The following OMA1 variants were observed in gnomAD, a reference collection of about 807,000 sequenced individuals.
OMA1 encodes the protein OMA1 zinc metallopeptidase, also known as metalloendopeptidase OMA1, mitochondrial.
In OMA1, 38 loss-of-function variants were observed where a neutral mutation model predicts 30.9. That is an observed-to-expected ratio of 1.23 (90% CI 0.95 to 1.61). The LOEUF is 1.61. OMA1 is among the 40% of genes most tolerant of loss of function. The pLI, the probability that OMA1 is intolerant of heterozygous loss-of-function variation, is 0.00. For missense variants in OMA1, 461 were observed against 349.2 expected, an observed-to-expected ratio of 1.32 and a Z score of -2.55; for synonymous variants, 173 against 121.9, an observed-to-expected ratio of 1.42 and a Z score of -2.76.
intron 1 of OMA1, among the ~76,000 whole-genome samples, chr1:58,545,372 C>T: frequency 6.6e-6 from 1 of 152,166 alleles, no homozygotes; most frequent in Non-Finnish European, 1.5e-5. Flanking sequence ...TCACTGACAA[C>T]CAAGTGTCGT....
At chr1:58,500,099 C>A (rs1427771429) in intron 8 of OMA1, among the ~76,000 whole-genome samples, 1 of 152,124 alleles carries the variant, frequency 6.6e-6, no homozygotes, top group Non-Finnish European at 1.5e-5. Context: ...TCTAAAATAT[C>A]ATTACTTTCC....
chr1:58,506,974 C>T (rs6671358), intron 7 of OMA1, among the ~76,000 whole-genome samples: 5,663 of 151,994 alleles, frequency 0.037, 150 homozygotes, highest in Non-Finnish European at 0.051. Context: ...CATACTCATA[C>T]GTATATACTT....
At chr1:58,499,596 C>A (rs1180099968) in intron 8 of OMA1, among the ~76,000 whole-genome samples, 1 of 152,000 alleles carries the variant, frequency 6.6e-6, no homozygotes, top group Non-Finnish European at 1.5e-5. Flanking sequence ...ATTGTTACTA[C>A]AGTTAATAAA....
chr1:58,522,421 A>C (rs1438542434), intron 7 of OMA1, among the ~76,000 whole-genome samples: 1 of 152,184 alleles, frequency 6.6e-6, no homozygotes, highest in East Asian at 1.9e-4. Context: ...AAACTCTTTC[A>C]TTTGATAAAA....
At chr1:58,540,138 C>T (rs889043816) in intron 1 of OMA1, among the ~76,000 whole-genome samples, 2 of 152,074 alleles carry the variant, frequency 1.3e-5, no homozygotes, top group African/African-American at 4.8e-5. Flanking sequence ...CCTTATCATT[C>T]GTGGGTAGAG....
Position 58,482,453 on chromosome 1 carries a change from T to C in OMA1, c.1366-1279A>G, listed in dbSNP as rs185151418. 2.0e-5 allele frequency among the ~76,000 whole-genome samples: 3 copies of C among 152,318 alleles called. No homozygotes were observed. The East Asian group carries it at 5.8e-4, about 29-fold the overall frequency. On this transcript the variant is annotated intron_variant, in intron 8 of 8. Coordinates refer to ENST00000371226, the MANE Select transcript of OMA1 (RefSeq NM_145243.5). The stretch of plus-strand genomic sequence containing the variant: ...TGGGTATATGGATAATTTTAAGATA[T>C]AAGAGCCAAAATAATTTTTAAGGAT...
intron 7 of OMA1, among the ~76,000 whole-genome samples, chr1:58,512,654 A>G (rs1191888702): frequency 3.9e-5 from 6 of 152,238 alleles, no homozygotes; most frequent in African/African-American, 9.6e-5. Context: ...ACAAATGGAC[A>G]AATACGAGAC....
At chr1:58,495,000 CA>C (rs1004934325) in intron 8 of OMA1, among the ~76,000 whole-genome samples, 2 of 152,128 alleles carry the variant, frequency 1.3e-5, no homozygotes, top group Admixed American at 1.3e-4. Flanking sequence ...TTCACAATAG[CA>C]AAGACTTGGA....
rs534415758 is a variant in OMA1 at position 58,509,772 on chromosome 1, T to C, written c.1216-3563A>G. On this transcript the variant is annotated intron_variant, in intron 7 of 8. Transcript: ENST00000371226. ...CGTTAGAGTAAGAAAAAAAAAGACT[T>C]AAGTGAACAAAATCAGAAACAAAAG... 5.2e-4 allele frequency among the ~76,000 whole-genome samples: 79 copies of C among 151,720 alleles called. 2 individuals are homozygous for C. In the South Asian group the frequency reaches 0.016, roughly 32 times the overall value.
intron 1 of OMA1, among the ~76,000 whole-genome samples, chr1:58,544,645 A>C (rs1251046918): frequency 6.6e-6 from 1 of 152,108 alleles, no homozygotes; most frequent in African/African-American, 2.4e-5. Context: ...TCCAGGCTGG[A>C]GTGCAGTGGT....
chr1:58,533,410 G>A lies in OMA1; in HGVS notation c.1011+543C>T, dbSNP rs146154609. 2.3e-4 allele frequency among the ~76,000 whole-genome samples: 35 copies of A among 152,176 alleles called. No individual in the cohort carries two copies. In the East Asian group the frequency reaches 6.6e-3, roughly 29 times the overall value. ...AGTAATAATAAATACATACCTCATTGGGTATTAAAATTATGAATGGGAAGC... is the reference window on the plus strand; with the variant it reads ...AGTAATAATAAATACATACCTCATTAGGTATTAAAATTATGAATGGGAAGC... On this transcript the variant is annotated intron_variant, in intron 5 of 8. Coordinates refer to ENST00000371226, the MANE Select transcript of OMA1 (RefSeq NM_145243.5).
At chr1:58,494,471 G>C (rs1201116020) in intron 8 of OMA1, among the ~76,000 whole-genome samples, 3 of 152,298 alleles carry the variant, frequency 2.0e-5, no homozygotes, top group Non-Finnish European at 2.9e-5. Flanking sequence ...TACCATCAGA[G>C]TGAACAGGCA....
At chr1:58,526,138 G>A (rs1646346650) in intron 7 of OMA1, among the ~76,000 whole-genome samples, 1 of 152,044 alleles carries the variant, frequency 6.6e-6, no homozygotes. Context: ...TAACATATAG[G>A]GAAAATCTGA....
chr1:58,533,806 T>C (rs1569967221), intron 5 of OMA1, 147 bp downstream of exon 5: 1 of 614,946 alleles, frequency 1.6e-6, no homozygotes, highest in Non-Finnish European at 2.9e-6. Flanking sequence ...CAATCACGTT[T>C]TTTTCAGGTA....
At chr1:58,502,156 G>A (rs1255796260) in intron 8 of OMA1, among the ~76,000 whole-genome samples, 4 of 152,104 alleles carry the variant, frequency 2.6e-5, no homozygotes, top group Admixed American at 1.3e-4. Context: ...ATATGCAAGG[G>A]ATCCAATAAG....
intron 2 of OMA1, among the ~76,000 whole-genome samples, chr1:58,538,458 C>T (rs188328561): frequency 2.0e-5 from 3 of 152,012 alleles, no homozygotes; most frequent in South Asian, 2.1e-4. Context: ...CACTTCTGAT[C>T]CATATATCCT....
chr1:58,492,792 A>G (rs1368294046), intron 8 of OMA1, among the ~76,000 whole-genome samples: 2 of 152,198 alleles, frequency 1.3e-5, no homozygotes, highest in Non-Finnish European at 2.9e-5. Flanking sequence ...CCAACCAAAA[A>G]AAGTCCAGGA....
chr1:58,488,304 G>A (rs901497642), intron 8 of OMA1, among the ~76,000 whole-genome samples: 1 of 152,048 alleles, frequency 6.6e-6, no homozygotes, highest in African/African-American at 2.4e-5. Context: ...CTGATGATTG[G>A]AACCATAACT....
intron 8 of OMA1, among the ~76,000 whole-genome samples, chr1:58,500,434 T>C (rs1297308873): frequency 6.6e-6 from 1 of 152,220 alleles, no homozygotes; most frequent in Non-Finnish European, 1.5e-5. Context: ...AATGATTTAT[T>C]CATTTACTTT....
Sources: gnomAD v4.1 joint callset for allele counts (sites outside exome capture counted in the v4.1 genomes callset) on GRCh38, gnomAD v4.1.1 for gene constraint, MANE v1.5 for transcripts, NCBI Gene and HGNC (gene_info 2026-07-23, HGNC 2026-07-21) for gene names.